Variants in PPHLN1 observed in about 807,000 individuals in gnomAD.
The protein encoded by PPHLN1 is periphilin-1.
A neutral mutation model predicts 51.3 loss-of-function variants in PPHLN1; 29 were observed. That is an observed-to-expected ratio of 0.57 (90% CI 0.42 to 0.77). The LOEUF (loss-of-function observed/expected upper bound fraction) is 0.77. PPHLN1 is among the 30% of genes least tolerant of loss of function. PPHLN1 has a pLI of 0.00. For synonymous variants in PPHLN1, 147 were observed against 147.8 expected (o/e 0.99, Z 0.04); for missense variants, 436 against 438.4 (o/e 0.99, Z 0.05).
In PPHLN1 at chr12:42,425,038, T is replaced by TTATGTATGTATATATG. The variant is rs1555219786; in HGVS notation, c.910-16266_910-16265insATATGTATGTATGTAT. 2.0e-3 allele frequency among the ~76,000 whole-genome samples: 274 copies of TTATGTATGTATATATG among 136,962 alleles called. 2 individuals carry two copies. Among genetic ancestry groups the TTATGTATGTATATATG allele is most frequent in the African/African-American group, 5.6e-3 (202 of 35,928 alleles). The allele number at this position is 136,962 out of a possible 152,430, so 89.9% of individuals were successfully genotyped here. ...CTCAGGTTTTTATTTTTATTTTATTTTATGTATGTATGTATGTATGTATGT... is the reference window on the plus strand; with the variant it reads ...CTCAGGTTTTTATTTTTATTTTATTTTATGTATGTATATATGTATGTATGTATGTATGTATGTATGT... On this transcript the variant is annotated intron_variant, in intron 9 of 9. Transcript: ENST00000358314.
intron 9 of PPHLN1, among the ~76,000 whole-genome samples, chr12:42,436,404 A>T (rs754419351): frequency 6.6e-6 from 1 of 152,170 alleles, no homozygotes; most frequent in Non-Finnish European, 1.5e-5. Context: ...TATAAAATCA[A>T]TCTCTTCCTC....
intron 2 of PPHLN1, among the ~76,000 whole-genome samples, chr12:42,345,199 A>G (rs2072120347): frequency 6.6e-6 from 1 of 152,154 alleles, no homozygotes; most frequent in South Asian, 2.1e-4. Context: ...TTTTATTCTG[A>G]CCAGATTCTC....
intron 9 of PPHLN1, among the ~76,000 whole-genome samples, chr12:42,401,135 C>G (rs568109666): frequency 2.0e-5 from 3 of 152,116 alleles, no homozygotes; most frequent in Non-Finnish European, 2.9e-5. Flanking sequence ...CAGTCACCGT[C>G]AACCTTTCTT....
intron 9 of PPHLN1, among the ~76,000 whole-genome samples, chr12:42,402,092 C>T (rs189448686): frequency 1.6e-3 from 243 of 150,154 alleles, no homozygotes; most frequent in African/African-American, 4.9e-3. Context: ...CTTCTGGGCT[C>T]GAGAGATCTA....
intron 9 of PPHLN1, among the ~76,000 whole-genome samples, chr12:42,402,039 T>C (rs1049503056): frequency 1.3e-5 from 2 of 152,018 alleles, no homozygotes; most frequent in African/African-American, 2.4e-5. Flanking sequence ...TTGTATTTTT[T>C]GTAGAGATGG....
intron 8 of PPHLN1, 21 bp from the exon 9 acceptor site, chr12:42,398,833 G>C (rs576491944): frequency 6.2e-7 from 1 of 1,608,902 alleles, no homozygotes; most frequent in African/African-American, 1.3e-5. Flanking sequence ...AATAATTAAA[G>C]ATTTCTAATT....
chr12:42,379,189 A>T (rs1463062259), intron 5 of PPHLN1, among the ~76,000 whole-genome samples: 3 of 151,906 alleles, frequency 2.0e-5, no homozygotes, highest in Non-Finnish European at 4.4e-5. Flanking sequence ...AAGCTATAAC[A>T]TTAAAAGTGA....
chr12:42,368,928 C>T (rs926896235), intron 4 of PPHLN1, among the ~76,000 whole-genome samples: 1 of 152,124 alleles, frequency 6.6e-6, no homozygotes, highest in African/African-American at 2.4e-5. Flanking sequence ...TAGCCTCTTT[C>T]TTCTTTAATA....
intron 4 of PPHLN1, among the ~76,000 whole-genome samples, chr12:42,360,192 A>G (rs551112666): frequency 6.6e-5 from 10 of 151,994 alleles, no homozygotes; most frequent in African/African-American, 1.9e-4. Context: ...GTCTCCAGAA[A>G]TGTCCCCAGT....
At chr12:42,442,655 A>T, downstream of PPHLN1, 1 of 1,614,136 alleles carries the variant, frequency 6.2e-7, no homozygotes, top group South Asian at 1.1e-5. Flanking sequence ...TGCAGGACAG[A>T]CTTGGCAGCA....
chr12:42,421,351 T>C (rs1323306180), intron 9 of PPHLN1, among the ~76,000 whole-genome samples: 2 of 152,004 alleles, frequency 1.3e-5, no homozygotes, highest in Admixed American at 1.3e-4. Flanking sequence ...TATTGATTGA[T>C]TGATTGATTG....
intron 4 of PPHLN1, among the ~76,000 whole-genome samples, chr12:42,360,953 G>A (rs534872298): frequency 1.6e-3 from 238 of 152,282 alleles, no homozygotes; most frequent in African/African-American, 5.5e-3. Flanking sequence ...TTGAAACTAT[G>A]TGATTGAATC....
At chr12:42,355,372 T>G (rs1041427398) in intron 4 of PPHLN1, 150 bp downstream of exon 4, 6 of 629,596 alleles carry the variant, frequency 9.5e-6, no homozygotes, top group Non-Finnish European at 1.1e-5. Flanking sequence ...TTTTTGTGAC[T>G]ATGTAGTATA....
chr12:42,327,873 C>T (rs1034086435), intron 1 of PPHLN1, among the ~76,000 whole-genome samples: 1 of 152,226 alleles, frequency 6.6e-6, no homozygotes, highest in Non-Finnish European at 1.5e-5. Flanking sequence ...GAAGGGGTCA[C>T]CTGCCACTCA....
intron 9 of PPHLN1, among the ~76,000 whole-genome samples, chr12:42,402,033 A>G (rs2078890629): frequency 6.6e-6 from 1 of 151,336 alleles, no homozygotes; most frequent in African/African-American, 2.4e-5. Flanking sequence ...TTTTTTTTGT[A>G]TTTTTTGTAG....
chr12:42,362,714 C>G (rs11181459), intron 4 of PPHLN1, among the ~76,000 whole-genome samples: 22,958 of 152,160 alleles, frequency 0.15, 1,800 homozygotes, highest in Admixed American at 0.2. Flanking sequence ...ATGGCATTAC[C>G]TTTTCTTTTA....
At chr12:42,372,062 T>C (rs543494119) in intron 4 of PPHLN1, among the ~76,000 whole-genome samples, 1 of 152,142 alleles carries the variant, frequency 6.6e-6, no homozygotes, top group East Asian at 1.9e-4. Context: ...CCAATATACT[T>C]AGCTTCTTCA....
At chr12:42,398,670 A>C (rs905289926) in intron 8 of PPHLN1, 184 bp from the exon 9 acceptor site, 1 of 452,218 alleles carries the variant, frequency 2.2e-6, no homozygotes, top group East Asian at 3.4e-5. Flanking sequence ...AGTAGCAGTC[A>C]TTTCTTCTTT....
At chr12:42,389,421 G>T (rs2077491268) in intron 7 of PPHLN1, among the ~76,000 whole-genome samples, 1 of 150,952 alleles carries the variant, frequency 6.6e-6, no homozygotes, top group Non-Finnish European at 1.5e-5. Flanking sequence ...TTAGCCGGGT[G>T]TGGTGGCACG....
Sources: allele counts gnomAD v4.1 joint callset (sites outside exome capture counted in the v4.1 genomes callset), GRCh38; gene constraint gnomAD v4.1.1; transcripts MANE v1.5; gene names NCBI Gene and HGNC (gene_info 2026-07-23, HGNC 2026-07-21).